The following SMYD3 variants were observed in gnomAD, a reference collection of about 807,000 sequenced individuals.
SMYD3 encodes the protein histone-lysine N-methyltransferase SMYD3.
A neutral mutation model predicts 57.7 loss-of-function variants in SMYD3; 36 were observed. The ratio of observed to expected loss-of-function variants is 0.62; its 90% confidence interval spans 0.48 to 0.82. SMYD3 has a LOEUF of 0.82. Ranked by LOEUF, SMYD3 falls within the 40% of genes least tolerant of loss-of-function variation. The pLI, the probability that SMYD3 is intolerant of heterozygous loss-of-function variation, is 0.00. For synonymous variants in SMYD3, 211 were observed against 195.0 expected (o/e 1.08, Z -0.68); for missense variants, 515 against 538.8 (o/e 0.96, Z 0.44).
intron 8 of SMYD3, among the ~76,000 whole-genome samples, chr1:245,893,936 T>C (rs1367297000): frequency 6.6e-6 from 1 of 152,210 alleles, no homozygotes; most frequent in East Asian, 1.9e-4. Context: ...GTTAGGGCTA[T>C]ACTCTTGAAA....
chr1:246,448,396 T>C (rs2067578505), intron 1 of SMYD3, among the ~76,000 whole-genome samples: 1 of 152,052 alleles, frequency 6.6e-6, no homozygotes, highest in African/African-American at 2.4e-5. Flanking sequence ...CATTATCCTA[T>C]GAAAACAGAA....
intron 5 of SMYD3, among the ~76,000 whole-genome samples, chr1:246,016,563 A>G (rs1012609579): frequency 2.6e-5 from 4 of 152,180 alleles, no homozygotes; most frequent in African/African-American, 7.2e-5. Flanking sequence ...AGCCTGGGTG[A>G]CAATAGCAAA....
chr1:245,823,365 T>G (rs965065363), intron 10 of SMYD3, among the ~76,000 whole-genome samples: 1 of 152,080 alleles, frequency 6.6e-6, no homozygotes, highest in East Asian at 1.9e-4. Flanking sequence ...TCGCTCTCTC[T>G]CTCTCTTTTC....
intron 1 of SMYD3, among the ~76,000 whole-genome samples, chr1:246,359,947 G>T (rs2148712071): frequency 6.6e-6 from 1 of 152,198 alleles, no homozygotes; most frequent in Middle Eastern, 3.4e-3. Flanking sequence ...CATAGTACTG[G>T]AAGTCCTAGC....
At chr1:246,016,280 T>C (rs1475709989) in intron 5 of SMYD3, among the ~76,000 whole-genome samples, 1 of 150,026 alleles carries the variant, frequency 6.7e-6, no homozygotes, top group Admixed American at 6.6e-5. Flanking sequence ...AAAGGAAACA[T>C]CATGCTAAAG....
chr1:245,997,678 C>T (rs924101813), intron 5 of SMYD3, among the ~76,000 whole-genome samples: 1 of 152,116 alleles, frequency 6.6e-6, no homozygotes, highest in African/African-American at 2.4e-5. Flanking sequence ...AGCCCTGCAC[C>T]CACCATCGTG....
chr1:246,299,370 A>T (rs767131753), intron 5 of SMYD3, among the ~76,000 whole-genome samples: 1 of 152,160 alleles, frequency 6.6e-6, no homozygotes, highest in Non-Finnish European at 1.5e-5. Flanking sequence ...GCAGAGAAAA[A>T]GGAACGCTTA....
intron 5 of SMYD3, among the ~76,000 whole-genome samples, chr1:246,011,635 C>G (rs1024532749): frequency 6.6e-6 from 1 of 152,184 alleles, no homozygotes; most frequent in African/African-American, 2.4e-5. Flanking sequence ...GCTATCTCAA[C>G]AGAGTTCATT....
At chr1:246,208,459 A>G (rs891495723) in intron 5 of SMYD3, among the ~76,000 whole-genome samples, 1 of 152,138 alleles carries the variant, frequency 6.6e-6, no homozygotes, top group Non-Finnish European at 1.5e-5. Context: ...GGATTAATAC[A>G]CTTCCCCAGT....
intron 5 of SMYD3, among the ~76,000 whole-genome samples, chr1:246,041,010 T>C (rs1055758201): frequency 6.6e-6 from 1 of 152,178 alleles, no homozygotes; most frequent in African/African-American, 2.4e-5. Context: ...CATACAATGG[T>C]GGTCCCATAA....
chr1:246,403,739 C>T (rs183452110), intron 1 of SMYD3, among the ~76,000 whole-genome samples: 1 of 152,256 alleles, frequency 6.6e-6, no homozygotes, highest in Admixed American at 6.5e-5. Flanking sequence ...ATAACTAATG[C>T]TATGTGCAAT....
At chr1:246,158,328 GATC>G (rs2062055573) in intron 5 of SMYD3, among the ~76,000 whole-genome samples, 1 of 152,174 alleles carries the variant, frequency 6.6e-6, no homozygotes, top group African/African-American at 2.4e-5. Context: ...AAGGGAAGAA[GATC>G]ATCTTGACAG....
At chr1:246,104,086 A>G (rs1042004882) in intron 5 of SMYD3, among the ~76,000 whole-genome samples, 8 of 152,190 alleles carry the variant, frequency 5.3e-5, no homozygotes, top group Admixed American at 3.9e-4. Context: ...CCACTCTAAA[A>G]TGGGAGCTCC....
At chr1:246,483,342 G>C (rs1175347752) in intron 1 of SMYD3, 1 of 152,072 alleles carries the variant, frequency 6.6e-6, no homozygotes, top group Non-Finnish European at 1.5e-5. Flanking sequence ...GCAATGAAAA[G>C]AACAACCATT....
intron 5 of SMYD3, among the ~76,000 whole-genome samples, chr1:246,181,702 C>T (rs1004699010): frequency 1.3e-5 from 2 of 152,136 alleles, no homozygotes; most frequent in Non-Finnish European, 2.9e-5. Context: ...CCTTTGGGAT[C>T]TAGTCCTTAA....
In SMYD3 at chr1:245,821,415, A is replaced by G. The variant is rs574890991; in HGVS notation, c.1076+37081T>C. Among the ~76,000 whole-genome samples, 52 of 150,792 alleles carry G rather than the reference A, an allele frequency of 3.4e-4. 1 individual carries two copies. Among genetic ancestry groups the G allele is most frequent in the African/African-American group, 1.1e-3 (44 of 41,500 alleles). ...TCAATTCAAGATTGATTAAAGACTT[A>G]AATGTTAGACCTAAAACCATAAAAA... On this transcript the variant is annotated intron_variant, in intron 10 of 11. Coordinates refer to ENST00000490107, the MANE Select transcript of SMYD3 (RefSeq NM_001167740.2).
chr1:246,009,754 T>C (rs1381045698), intron 5 of SMYD3, among the ~76,000 whole-genome samples: 1 of 147,952 alleles, frequency 6.8e-6, no homozygotes, highest in Non-Finnish European at 1.5e-5. Flanking sequence ...GCAGAGTAAC[T>C]AGAATGAAGT....
intron 11 of SMYD3, among the ~76,000 whole-genome samples, chr1:245,762,609 G>C (rs1204349957): frequency 6.6e-6 from 1 of 152,204 alleles, no homozygotes; most frequent in Admixed American, 6.5e-5. Context: ...AAAAAGAACA[G>C]AATAGCTGAG....
At chr1:246,146,865 G>C (rs1286497855) in intron 5 of SMYD3, among the ~76,000 whole-genome samples, 1 of 152,134 alleles carries the variant, frequency 6.6e-6, no homozygotes, top group Non-Finnish European at 1.5e-5. Context: ...TCTCCAAACT[G>C]TTCCTCCCTT....
Sources: allele counts gnomAD v4.1 joint callset (sites outside exome capture counted in the v4.1 genomes callset), GRCh38; gene constraint gnomAD v4.1.1; transcripts MANE v1.5; gene names NCBI Gene and HGNC (gene_info 2026-07-23, HGNC 2026-07-21).